FHL1: variants seen among roughly 807,000 people sequenced by gnomAD.
FHL1 encodes four and a half LIM domains 1, also known as four and a half LIM domains protein 1.
FHL1 carries 1 observed loss-of-function variant against 20.3 expected under a neutral mutation model. The ratio of observed to expected loss-of-function variants is 0.05; its 90% CI spans 0.02 to 0.23. The LOEUF (loss-of-function observed/expected upper bound fraction) is 0.23, where lower values mean the gene tolerates loss of function less well. FHL1 is among the 10% of genes least tolerant of loss of function. FHL1 has a pLI of 1.00. For missense variants in FHL1, 177 were observed against 234.0 expected, an observed-to-expected ratio of 0.76 and a Z score of 1.59; for synonymous variants, 82 against 88.9, an observed-to-expected ratio of 0.92 and a Z score of 0.44.
rs745670390 is a variant in FHL1 at position 136,211,196 on chromosome X, A to C, written c.*1171A>C. 2 of 363,988 alleles carry C rather than the reference A, an allele frequency of 5.5e-6. No homozygotes were observed. Among genetic ancestry groups the C allele is most frequent in the Non-Finnish European group, 1.0e-5 (2 of 190,667 alleles). The allele number at this position is 363,988 out of a possible 1,213,427, so 30.0% of individuals were successfully genotyped here. A position where few individuals can be genotyped will look rare whatever the true frequency, so the allele number is the denominator to read the frequency against. On this transcript the variant is annotated 3_prime_UTR_variant, in exon 6 of 6. Coordinates refer to ENST00000370683, the MANE Select transcript of FHL1 (RefSeq NM_001159699.2). ...CTACATTATTATATGACATAGTATA[A>C]TGAGACAATATCAAAAGTAAACATG...
intron 2 of FHL1, among the ~76,000 whole-genome samples, chrX:136,173,646 A>G (rs2072927511): frequency 9.4e-6 from 1 of 106,777 alleles, no homozygotes; most frequent in African/African-American, 3.4e-5. Flanking sequence ...TTGAGCCCTC[A>G]CTCCTGTTTG....
chrX:136,209,397 G>A, intron 5 of FHL1: 1 of 1,211,042 alleles, frequency 8.3e-7, no homozygotes, highest in Non-Finnish European at 1.1e-6. Flanking sequence ...CGTGGGTGGT[G>A]GTTCTTTATA....
upstream of FHL1, among the ~76,000 whole-genome samples, chrX:136,194,715 G>T (rs1367036456): frequency 8.9e-6 from 1 of 111,933 alleles, no homozygotes; most frequent in Non-Finnish European, 1.9e-5. Context: ...AATGAAACCC[G>T]TGACTCCAGG....
intron 1 of FHL1, among the ~76,000 whole-genome samples, chrX:136,203,104 A>G (rs1354292029): frequency 8.9e-6 from 1 of 112,744 alleles, no homozygotes; most frequent in East Asian, 2.7e-4. Context: ...TTATTGCAAA[A>G]CAAATACGAA....
intron 5 of FHL1, 33 bp from the exon 6 acceptor site, chrX:136,209,838 G>GTTTTC (rs746813826): frequency 4.2e-6 from 5 of 1,196,596 alleles, no homozygotes; most frequent in East Asian, 3.0e-5. Flanking sequence ...TGTTTCTCTT[G>GTTTTC]TTTTCTTTTC....
Position 136,207,036 on chromosome X carries a change from C to A in FHL1, c.225C>A (p.Arg75=), listed in dbSNP as rs143791173. The change falls in exon 3 of 6, where the codon CGC becomes CGA. Residue 75 remains arginine (R), a synonymous_variant. Coordinates refer to ENST00000370683, the MANE Select transcript of FHL1 (RefSeq NM_001159699.2). ...ADSKEVHYKN[R]FWHDTCFRCA... ...TCCAGGAGGTGCACTATAAGAACCG[C>A]TTCTGGCATGACACCTGCTTCCGCT... The A allele has an allele frequency of 6.3e-5, 76 of 1,209,855 alleles. No individual in the cohort carries two copies. In the African/African-American group the frequency reaches 1.3e-3, roughly 21 times the overall value.
At chrX:136,192,413 A>G (rs2073450349), upstream of FHL1, among the ~76,000 whole-genome samples, 1 of 112,013 alleles carries the variant, frequency 8.9e-6, no homozygotes, top group Non-Finnish European at 1.9e-5. Flanking sequence ...ATTACCAAAA[A>G]TCAAAAGACA....
intron 1 of FHL1, among the ~76,000 whole-genome samples, chrX:136,154,767 C>T (rs1270565028): frequency 9.2e-6 from 1 of 108,218 alleles, no homozygotes; most frequent in South Asian, 4.1e-4. Flanking sequence ...AGTGCAGTGG[C>T]GCTCTCTCAG....
chrX:136,204,402 A>G (rs1224962278), intron 1 of FHL1, among the ~76,000 whole-genome samples: 1 of 112,507 alleles, frequency 8.9e-6, no homozygotes, highest in Non-Finnish European at 1.9e-5. Context: ...CTGTAGACAC[A>G]CAGGCTAAAA....
upstream of FHL1, among the ~76,000 whole-genome samples, chrX:136,169,075 C>T (rs192527094): frequency 6.7e-4 from 75 of 111,518 alleles, 2 homozygotes; most frequent in Middle Eastern, 4.6e-3. Context: ...GATCTAAAAG[C>T]GGCATTTGGT....
chrX:136,209,788 T>C, intron 5 of FHL1, 83 bp from the exon 6 acceptor site: 3 of 1,078,759 alleles, frequency 2.8e-6, no homozygotes, highest in Non-Finnish European at 3.8e-6. Flanking sequence ...CGTCATTTTA[T>C]CTCTCTGAAT....
At chrX:136,209,783 T>A (rs2073956545) in intron 5 of FHL1, 88 bp from the exon 6 acceptor site, 3 of 1,077,883 alleles carry the variant, frequency 2.8e-6, no homozygotes, top group Non-Finnish European at 3.8e-6. Context: ...CAGGTCGTCA[T>A]TTTATCTCTC....
chrX:136,193,459 C>T (rs2073481603), upstream of FHL1, among the ~76,000 whole-genome samples: 1 of 112,106 alleles, frequency 8.9e-6, no homozygotes, highest in Non-Finnish European at 1.9e-5. Flanking sequence ...TGTAATCTTA[C>T]TGTTCTCTCT....
At chrX:136,209,755 G>T (rs1017189624) in intron 5 of FHL1, 116 bp from the exon 6 acceptor site, 4 of 880,403 alleles carry the variant, frequency 4.5e-6, no homozygotes, top group African/African-American at 2.0e-5. Context: ...TTGCGTGCTT[G>T]TCGGTCTGTG....
upstream of FHL1, among the ~76,000 whole-genome samples, chrX:136,164,824 A>T (rs2072669406): frequency 8.9e-6 from 1 of 112,533 alleles, no homozygotes; most frequent in South Asian, 3.7e-4. Flanking sequence ...AAAGTTAAAA[A>T]TGACTCACTA....
At chrX:136,162,152 G>A (rs1271594748) in intron 1 of FHL1, among the ~76,000 whole-genome samples, 1 of 97,396 alleles carries the variant, frequency 1.0e-5, no homozygotes, top group Non-Finnish European at 2.1e-5. Context: ...AAGTACTAGC[G>A]ATCTCTTCAA....
chrX:136,184,234 C>G (rs1325662783), intron 2 of FHL1, among the ~76,000 whole-genome samples: 1 of 111,782 alleles, frequency 8.9e-6, no homozygotes, highest in Admixed American at 9.6e-5. Context: ...AAAAGTGTTC[C>G]TTATTTTAAT....
chrX:136,204,346 AAG>A (rs1230457984), intron 1 of FHL1, among the ~76,000 whole-genome samples: 5 of 112,261 alleles, frequency 4.5e-5, no homozygotes, highest in African/African-American at 6.5e-5. Context: ...GAATGGATTA[AAG>A]AGAGTGATTT....
Position 136,207,892 on chromosome X carries a change from A to AGGG in FHL1, c.482_484dup (p.Gly161dup), listed in dbSNP as rs1314023088. 9.9e-6 allele frequency: 12 copies of AGGG among 1,210,948 alleles called. No homozygotes were observed. The highest frequency in any genetic ancestry group is 1.2e-5 in the Non-Finnish European group (11 of 895,373). On this transcript the variant is annotated inframe_insertion, in exon 4 of 6. Coordinates refer to ENST00000370683, the MANE Select transcript of FHL1 (RefSeq NM_001159699.2). The stretch of plus-strand genomic sequence containing the variant: ...TCGGGACTGGAAGCTTCTTCCCTAA[A>AGGG]GGGGAGGACTTCTACTGCGTGACTT...
Sources: allele counts gnomAD v4.1 joint callset (sites outside exome capture counted in the v4.1 genomes callset), GRCh38; gene constraint gnomAD v4.1.1; transcripts MANE v1.5; gene names NCBI Gene and HGNC (gene_info 2026-07-23, HGNC 2026-07-21).